Variants in LIPA observed in about 807,000 individuals in gnomAD.
LIPA encodes lipase A, lysosomal acid type, also known as lysosomal acid lipase/cholesteryl ester hydrolase.
Under a neutral mutation model 40.6 loss-of-function variants are expected in LIPA, and 26 were observed. The observed-to-expected ratio is 0.64, with a 90% CI of 0.47 to 0.89. LIPA has a LOEUF of 0.89. Among genes scored for constraint, LIPA ranks in the 40% least tolerant of loss-of-function variants. The pLI is 0.00. For missense variants in LIPA, 455 were observed against 479.6 expected (o/e 0.95, Z 0.48); for synonymous variants, 188 against 168.4 (o/e 1.12, Z -0.90).
At position 89,306,466 on chromosome 10, in the gene LIPA, G is replaced by A. The variant is rs1314921934; in HGVS notation, c.-2+36145C>T. 1.9e-6 allele frequency: 3 copies of A among 1,614,114 alleles called. No homozygotes were observed. The South Asian group carries it at 3.3e-5, about 18-fold the overall frequency. On this transcript the variant is annotated intron_variant, in intron 1 of 5. Transcript: ENST00000282673. Reference sequence around the variant, plus strand: ...AGAAGGCTCTGGAAAAGAAGCCAAAGAACCCAGAATTCACCTCTGGACTGG... The same window carrying A: ...AGAAGGCTCTGGAAAAGAAGCCAAAAAACCCAGAATTCACCTCTGGACTGG...
At chr10:89,249,181 G>T (rs1036031693) in intron 1 of LIPA, among the ~76,000 whole-genome samples, 2 of 152,140 alleles carry the variant, frequency 1.3e-5, no homozygotes, top group Non-Finnish European at 2.9e-5. Context: ...GCTTTCAAAA[G>T]AAACAGAAAG....
chr10:89,402,381 GA>G (rs1844440504), intron 2 of LIPA: 1 of 1,614,022 alleles, frequency 6.2e-7, no homozygotes, highest in African/African-American at 1.3e-5. Context: ...GCCTGATTTA[GA>G]AAACAGAGTC....
intron 1 of LIPA, among the ~76,000 whole-genome samples, chr10:89,259,567 G>GAA (rs1456090293): frequency 6.6e-6 from 1 of 152,164 alleles, no homozygotes; most frequent in East Asian, 1.9e-4. Context: ...CAAGAGAAAT[G>GAA]AAAGTGTTTG....
At chr10:89,240,483 T>C (rs1842952499) in intron 3 of LIPA, among the ~76,000 whole-genome samples, 1 of 152,214 alleles carries the variant, frequency 6.6e-6, no homozygotes, top group Non-Finnish European at 1.5e-5. Context: ...AATAAATAAA[T>C]GTTGTAAAAG....
chr10:89,406,795 C>T (rs1315008725), intron 2 of LIPA, among the ~76,000 whole-genome samples: 1 of 152,186 alleles, frequency 6.6e-6, no homozygotes, highest in Non-Finnish European at 1.5e-5. Context: ...TTCTTGAAGT[C>T]AGCGAGACCA....
chr10:89,398,244 T>G (rs1208538348), intron 2 of LIPA, among the ~76,000 whole-genome samples: 9 of 151,860 alleles, frequency 5.9e-5, no homozygotes, highest in Non-Finnish European at 1.2e-4. Flanking sequence ...TACAAGGGAG[T>G]GTGGGGGAAT....
In LIPA at chr10:89,383,891, C is replaced by T. The variant is rs138241421; in HGVS notation, c.61+28900G>A. 31 of 1,614,066 alleles carry T rather than the reference C, an allele frequency of 1.9e-5. No homozygotes were observed. In the African/African-American group the frequency reaches 2.9e-4, roughly 15 times the overall value. ...GTCTATCGCCTGGATAAATTTAACACAGCATCAGGGAGGAATAAGGCATTT... is the reference window on the plus strand; with the variant it reads ...GTCTATCGCCTGGATAAATTTAACATAGCATCAGGGAGGAATAAGGCATTT... On this transcript the variant is annotated intron_variant, in intron 2 of 8. Transcript: ENST00000371837.
intron 1 of LIPA, among the ~76,000 whole-genome samples, chr10:89,258,680 A>AC (rs995709756): frequency 1.3e-5 from 2 of 152,200 alleles, no homozygotes; most frequent in African/African-American, 4.8e-5. Context: ...TTATCATATG[A>AC]CCCATCAACT....
intron 1 of LIPA, among the ~76,000 whole-genome samples, chr10:89,311,524 CAA>C (rs36010336): frequency 4.2e-4 from 31 of 73,702 alleles, no homozygotes; most frequent in East Asian, 8.5e-4. Context: ...GACCCTGTCT[CAA>C]AAAAAAAAAA....
chr10:89,332,455 G>T, intron 1 of LIPA: 1 of 1,460,530 alleles, frequency 6.8e-7, no homozygotes, highest in South Asian at 1.5e-5. Context: ...CCCTCAAGAG[G>T]GATCTTGATA....
chr10:89,311,326 C>A (rs1843514162), intron 1 of LIPA, among the ~76,000 whole-genome samples: 1 of 151,788 alleles, frequency 6.6e-6, no homozygotes, highest in Non-Finnish European at 1.5e-5. Flanking sequence ...AGTTCCAGAC[C>A]AGCCTGATCA....
intron 8 of LIPA, among the ~76,000 whole-genome samples, chr10:89,221,737 G>A (rs1177882881): frequency 1.3e-5 from 2 of 152,150 alleles, no homozygotes; most frequent in Admixed American, 6.5e-5. Flanking sequence ...AAAGCAAGCT[G>A]TAAAACAGTA....
chr10:89,412,331 G>A (rs749711666), intron 2 of LIPA, among the ~76,000 whole-genome samples: 5 of 152,132 alleles, frequency 3.3e-5, no homozygotes, highest in Non-Finnish European at 7.4e-5. Flanking sequence ...GTTTGTAAAC[G>A]CACCAATCAG....
intron 2 of LIPA, among the ~76,000 whole-genome samples, chr10:89,409,777 T>C (rs1290619684): frequency 6.6e-6 from 1 of 152,324 alleles, no homozygotes; most frequent in Middle Eastern, 3.4e-3. Context: ...TCAGATGTAA[T>C]TGGGAGACTT....
At chr10:89,232,806 G>A (rs1014303387) in intron 3 of LIPA, among the ~76,000 whole-genome samples, 2 of 152,176 alleles carry the variant, frequency 1.3e-5, no homozygotes, top group African/African-American at 4.8e-5. Flanking sequence ...GGGGAAATGT[G>A]GAAGCTGACA....
chr10:89,339,728 A>G (rs984916594), intron 1 of LIPA: 1 of 1,614,142 alleles, frequency 6.2e-7, no homozygotes, highest in African/African-American at 1.3e-5. Context: ...GCTGAAAAGC[A>G]ACAATCCCAT....
intron 1 of LIPA, among the ~76,000 whole-genome samples, chr10:89,262,445 A>G (rs1414830578): frequency 1.3e-5 from 2 of 152,224 alleles, no homozygotes; most frequent in Non-Finnish European, 2.9e-5. Context: ...CTACAGCCTA[A>G]GGCTCCTAAA....
upstream of LIPA, among the ~76,000 whole-genome samples, chr10:89,345,269 C>T (rs1381622694): frequency 6.6e-6 from 1 of 151,600 alleles, no homozygotes; most frequent in African/African-American, 2.4e-5. Context: ...TGCCTCATGC[C>T]TGTAATCCCA....
Position 89,222,503 on chromosome 10 carries a change from A to C in LIPA, c.894+8T>G. 1.3e-6 allele frequency: 2 copies of C among 1,589,906 alleles called. No individual in the cohort carries two copies. Among genetic ancestry groups the C allele is most frequent in the Non-Finnish European group, 1.7e-6 (2 of 1,157,924 alleles). On this transcript the variant is annotated splice_region_variant and intron_variant, in intron 8 of 9. Coordinates refer to ENST00000336233, the MANE Select transcript of LIPA (RefSeq NM_000235.4). ...CATGAACCCCAAATGCACTCCTGGA[A>C]TGCCTACCTGGCTCCAGTGTAACAT...
Sources: allele counts gnomAD v4.1 joint callset (sites outside exome capture counted in the v4.1 genomes callset), GRCh38; gene constraint gnomAD v4.1.1; transcripts MANE v1.5; gene names NCBI Gene and HGNC (gene_info 2026-07-23, HGNC 2026-07-21).